Variants in PDE1A observed in about 807,000 individuals in gnomAD.
PDE1A encodes the protein phosphodiesterase 1A, also known as dual specificity calcium/calmodulin-dependent 3',5'-cyclic nucleotide phosphodiesterase 1A.
PDE1A carries 35 observed loss-of-function variants against 61.7 expected under a neutral mutation model. The ratio of observed to expected loss-of-function variants is 0.57; its 90% CI spans 0.43 to 0.75. The LOEUF is 0.75. Among genes scored for constraint, PDE1A ranks in the 30% least tolerant of loss-of-function variants. The probability of loss-of-function intolerance (pLI) is 0.00; values close to 1 mark genes in which losing one functional copy is unlikely to be tolerated. For synonymous variants in PDE1A, 232 were observed against 213.2 expected, an observed-to-expected ratio of 1.09 and a Z score of -0.77; for missense variants, 597 against 630.6, an observed-to-expected ratio of 0.95 and a Z score of 0.57.
the PDE1A span, among the ~76,000 whole-genome samples, chr2:182,573,038 G>A: frequency 6.6e-6 from 1 of 152,054 alleles, no homozygotes; most frequent in African/African-American, 2.4e-5. Flanking sequence ...AATCCCCAAT[G>A]AAATAATGAT....
chr2:182,514,454 G>T (rs2125966296), intron 2 of PDE1A, among the ~76,000 whole-genome samples: 1 of 152,236 alleles, frequency 6.6e-6, no homozygotes, highest in East Asian at 1.9e-4. Flanking sequence ...AACCAAAACA[G>T]CATGGCACTG....
intron 10 of PDE1A, among the ~76,000 whole-genome samples, chr2:182,195,901 T>C (rs879479254): frequency 2.6e-5 from 4 of 152,098 alleles, no homozygotes; most frequent in Admixed American, 6.6e-5. Context: ...CATAGATACA[T>C]AGACACAGTT....
At chr2:182,490,930 T>C (rs974133034) in intron 2 of PDE1A, among the ~76,000 whole-genome samples, 1 of 152,150 alleles carries the variant, frequency 6.6e-6, no homozygotes, top group Non-Finnish European at 1.5e-5. Context: ...GGAAGGGCTC[T>C]TTTTAGTAAT....
the PDE1A span, among the ~76,000 whole-genome samples, chr2:182,625,998 AG>A: frequency 6.6e-6 from 1 of 152,200 alleles, no homozygotes; most frequent in Non-Finnish European, 1.5e-5. Context: ...GCAGAGACAG[AG>A]GAAAAAAACA....
intron 13 of PDE1A, among the ~76,000 whole-genome samples, chr2:182,171,457 CT>C (rs1192316365): frequency 2.6e-5 from 4 of 151,552 alleles, no homozygotes; most frequent in African/African-American, 9.7e-5. Flanking sequence ...CTAAATTGTT[CT>C]GAAAAATTGG....
At chr2:182,627,320 T>TTATATATATATAAAATTTATATATTA in the PDE1A span, among the ~76,000 whole-genome samples, 1 of 86,540 alleles carries the variant, frequency 1.2e-5, no homozygotes, top group Non-Finnish European at 2.1e-5. Context: ...AATATATATA[T>TTATATATATATAAAATTTATATATTA]TATATATATA....
the PDE1A span, among the ~76,000 whole-genome samples, chr2:182,586,963 G>T: frequency 6.6e-6 from 1 of 152,116 alleles, no homozygotes; most frequent in Non-Finnish European, 1.5e-5. Context: ...CACTACTAAA[G>T]CATAATGAAA....
chr2:182,527,333 T>A (rs1559543458), upstream of PDE1A, among the ~76,000 whole-genome samples: 188 of 6,710 alleles, frequency 0.028, 55 homozygotes, highest in African/African-American at 0.14. Flanking sequence ...AAAAAATATA[T>A]ATATATATAT....
chr2:182,574,040 C>T, the PDE1A span, among the ~76,000 whole-genome samples: 3 of 151,020 alleles, frequency 2.0e-5, no homozygotes, highest in Non-Finnish European at 4.4e-5. Flanking sequence ...CAAGGCCCCA[C>T]GATAGGCTGT....
chr2:182,321,000 ACATT>A (rs1175217830), intron 1 of PDE1A, among the ~76,000 whole-genome samples: 3 of 152,220 alleles, frequency 2.0e-5, no homozygotes, highest in African/African-American at 7.2e-5. Context: ...ATCTATTTAC[ACATT>A]CAATCTCATG....
At chr2:182,228,432 A>C (rs986922821) in intron 6 of PDE1A, among the ~76,000 whole-genome samples, 3 of 152,142 alleles carry the variant, frequency 2.0e-5, no homozygotes, top group Admixed American at 2.0e-4. Flanking sequence ...ATAGCAGGGC[A>C]TCAACTAAAA....
At chr2:182,713,894 C>A in the PDE1A span, among the ~76,000 whole-genome samples, 1 of 152,170 alleles carries the variant, frequency 6.6e-6, no homozygotes, top group Admixed American at 6.5e-5. Context: ...CAGCTCCTAG[C>A]CAATCTTTAG....
At chr2:182,147,596 T>C (rs995910399) in intron 13 of PDE1A, among the ~76,000 whole-genome samples, 2 of 152,182 alleles carry the variant, frequency 1.3e-5, no homozygotes, top group African/African-American at 4.8e-5. Flanking sequence ...ATACCACCTG[T>C]CAAGACAAAC....
At chr2:182,273,338 A>T (rs1182067075) in intron 1 of PDE1A, among the ~76,000 whole-genome samples, 1 of 152,050 alleles carries the variant, frequency 6.6e-6, no homozygotes, top group Non-Finnish European at 1.5e-5. Context: ...AAGATGTCAA[A>T]ATTCATCTTG....
intron 7 of PDE1A, among the ~76,000 whole-genome samples, chr2:182,210,808 C>A (rs750546797): frequency 2.0e-5 from 3 of 151,744 alleles, no homozygotes; most frequent in African/African-American, 4.8e-5. Flanking sequence ...GGTCTGTGAT[C>A]CATTTTGAGT....
chr2:182,595,346 T>C, the PDE1A span, among the ~76,000 whole-genome samples: 4 of 152,210 alleles, frequency 2.6e-5, no homozygotes, highest in African/African-American at 9.6e-5. Flanking sequence ...AATCCTCCTC[T>C]GCTGATTGTC....
intron 4 of PDE1A, among the ~76,000 whole-genome samples, chr2:182,232,063 T>C (rs1009228504): frequency 6.6e-6 from 1 of 152,208 alleles, no homozygotes; most frequent in Non-Finnish European, 1.5e-5. Flanking sequence ...AATACTTTGC[T>C]TGAGGGACAA....
At chr2:182,311,741 C>T (rs1439892530) in intron 1 of PDE1A, among the ~76,000 whole-genome samples, 3 of 152,102 alleles carry the variant, frequency 2.0e-5, no homozygotes, top group Non-Finnish European at 2.9e-5. Flanking sequence ...TGGACATTCA[C>T]ATGTAAGTCT....
upstream of PDE1A, among the ~76,000 whole-genome samples, chr2:182,524,329 G>T (rs1412670511): frequency 6.6e-6 from 1 of 152,164 alleles, no homozygotes; most frequent in Non-Finnish European, 1.5e-5. Context: ...CTAAGTCCTT[G>T]AGGCTATACA....
Sources: gnomAD v4.1 joint callset for allele counts (sites outside exome capture counted in the v4.1 genomes callset) on GRCh38, gnomAD v4.1.1 for gene constraint, MANE v1.5 for transcripts, NCBI Gene and HGNC (gene_info 2026-07-23, HGNC 2026-07-21) for gene names.